Variants in DLGAP4 observed in about 807,000 individuals in gnomAD.
DLGAP4 encodes the protein disks large-associated protein 4.
DLGAP4 carries 18 observed loss-of-function variants against 86.9 expected under a neutral mutation model. That is an observed-to-expected ratio of 0.21 (90% CI 0.14 to 0.31). DLGAP4 has a LOEUF of 0.31. Ranked by LOEUF, DLGAP4 falls within the 10% of genes least tolerant of loss-of-function variation. The probability of loss-of-function intolerance (pLI) is 1.00; values close to 1 mark genes in which losing one functional copy is unlikely to be tolerated. For missense variants in DLGAP4, 1,085 were observed against 1,362.6 expected, an observed-to-expected ratio of 0.80 and a Z score of 3.21; for synonymous variants, 548 against 574.3, an observed-to-expected ratio of 0.95 and a Z score of 0.65.
Position 36,343,867 on chromosome 20 carries a change from G to A in DLGAP4, c.-303-23178G>A, listed in dbSNP as rs187919632. Among the ~76,000 whole-genome samples, 493 of 152,340 alleles carry A rather than the reference G, an allele frequency of 3.2e-3. 4 individuals carry two copies. The highest frequency in any genetic ancestry group is 3.4e-3 in the Middle Eastern group (1 of 294). On this transcript the variant is annotated intron_variant, in intron 1 of 12. Coordinates refer to ENST00000339266, the MANE Select transcript of DLGAP4 (RefSeq NM_001365621.2). Reference sequence around the variant, plus strand: ...GTGGGCCCCGAGTGGCTGCTGGCCCGTGGCTACAGCTGACACACATTGTCT... The same window carrying A: ...GTGGGCCCCGAGTGGCTGCTGGCCCATGGCTACAGCTGACACACATTGTCT...
At position 36,496,832 on chromosome 20, in the gene DLGAP4, C is replaced by A; in HGVS notation, c.1776C>A (p.Ser592Arg). The A allele has an allele frequency of 6.2e-7, 1 of 1,614,226 alleles. No individual in the cohort carries two copies. Among genetic ancestry groups the A allele is most frequent in the Non-Finnish European group, 8.5e-7 (1 of 1,180,034 alleles). The change falls in exon 8 of 13, where the codon AGC (serine) becomes AGA (arginine). Residue 592 changes from serine to arginine, a missense_variant. Ser to Arg is a moderately radical substitution (Grantham distance 110). Coordinates refer to ENST00000339266, the MANE Select transcript of DLGAP4 (RefSeq NM_001365621.2). ...CTGCCCAGGACACCTACCTGGACAG[C>A]CAGGACCACAAGAGCGAGGTGACTA... ...TESAQDTYLDSQDHKSEVTSQ... is the reference protein window; with the variant it reads ...TESAQDTYLDRQDHKSEVTSQ...
At chr20:36,484,130 G>A (rs990165310) in intron 7 of DLGAP4, among the ~76,000 whole-genome samples, 1 of 152,236 alleles carries the variant, frequency 6.6e-6, no homozygotes, top group African/African-American at 2.4e-5. Context: ...ACTTCTCTGA[G>A]CCTCAGGGGT....
chr20:36,522,675 C>T (rs377339512), intron 10 of DLGAP4, among the ~76,000 whole-genome samples: 2 of 151,964 alleles, frequency 1.3e-5, no homozygotes, highest in African/African-American at 2.4e-5. Context: ...TGGGCCACCA[C>T]GCCTGGCTAA....
In DLGAP4 at chr20:36,431,568, A is replaced by G; in HGVS notation, c.-72-78A>G. 1.2e-6 allele frequency: 1 copy of G among 863,022 alleles called. No individual in the cohort carries two copies. Among genetic ancestry groups the G allele is most frequent in the Non-Finnish European group, 1.7e-6 (1 of 579,832 alleles). 53.5% of individuals were successfully genotyped at this position (863,022 alleles called of 1,614,324 possible). On this transcript the variant is annotated intron_variant, in intron 2 of 12. Transcript: ENST00000339266. The surrounding 1 kb of genome is among the most constrained non-coding windows in gnomAD (Gnocchi z 5.1). Reference sequence around the variant, plus strand: ...CTTCAGAGATCCTCCCAGCCTTGCGATCTGGATCTGACCTTCCCGGCACCC... The same window carrying G: ...CTTCAGAGATCCTCCCAGCCTTGCGGTCTGGATCTGACCTTCCCGGCACCC...
intron 7 of DLGAP4, among the ~76,000 whole-genome samples, chr20:36,475,067 C>T (rs1265820922): frequency 6.6e-6 from 1 of 151,442 alleles, no homozygotes; most frequent in Non-Finnish European, 1.5e-5. Flanking sequence ...GGAGGTGTCA[C>T]GACCCTGAGG....
chr20:36,336,917 G>C (rs1316716761), intron 1 of DLGAP4, among the ~76,000 whole-genome samples: 4 of 152,218 alleles, frequency 2.6e-5, no homozygotes, highest in African/African-American at 9.7e-5. Flanking sequence ...CCCGCACCCA[G>C]TCTCCCATCT....
chr20:36,390,247 G>A (rs564571975), intron 2 of DLGAP4, among the ~76,000 whole-genome samples: 2 of 152,326 alleles, frequency 1.3e-5, no homozygotes, highest in East Asian at 1.9e-4. Flanking sequence ...CTGAGAAGGA[G>A]CGTCGTCCAC....
intron 5 of DLGAP4, among the ~76,000 whole-genome samples, chr20:36,441,379 G>A (rs898741198): frequency 2.6e-5 from 4 of 152,258 alleles, no homozygotes; most frequent in East Asian, 1.9e-4. Flanking sequence ...TCCTCCTGGC[G>A]TTTCAGGTCT....
At chr20:36,376,733 C>T (rs900313565) in intron 2 of DLGAP4, among the ~76,000 whole-genome samples, 3 of 152,150 alleles carry the variant, frequency 2.0e-5, no homozygotes, top group Non-Finnish European at 2.9e-5. Context: ...GCAGGGACCT[C>T]GTCAGCTTCG....
At chr20:36,506,908 A>C (rs1267310037) in intron 10 of DLGAP4, among the ~76,000 whole-genome samples, 1 of 152,226 alleles carries the variant, frequency 6.6e-6, no homozygotes, top group Admixed American at 6.5e-5. Flanking sequence ...TGTAAGTGGA[A>C]CCATGCAGCA....
chr20:36,415,589 T>C (rs1478606481), intron 2 of DLGAP4, among the ~76,000 whole-genome samples: 1 of 152,178 alleles, frequency 6.6e-6, no homozygotes, highest in African/African-American at 2.4e-5. Context: ...CTGTGTTACC[T>C]CGTTGATCTC....
At chr20:36,357,759 G>A (rs561232488) in intron 1 of DLGAP4, among the ~76,000 whole-genome samples, 7 of 152,296 alleles carry the variant, frequency 4.6e-5, no homozygotes, top group South Asian at 2.1e-4. Flanking sequence ...CTGAGAGTGC[G>A]GAATAGAAAC....
chr20:36,525,853 C>T lies in DLGAP4; in HGVS notation c.2607C>T (p.Asn869=), dbSNP rs1484006346. Residue 869 remains asparagine, a splice_region_variant and synonymous_variant, in exon 12 of 13, where the codon AAC becomes AAT. Transcript: ENST00000339266. ...QFRGLCEQNL[N]PDANPRPTAQ... is the part of the protein sequence containing the mutation. ...ACTGATCCCCATCTGGCCCACAGAA[C>T]CCTGATGCCAACCCACGCCCCACAG... 6.2e-7 allele frequency: 1 copy of T among 1,612,998 alleles called. No homozygotes were observed. Among genetic ancestry groups the T allele is most frequent in the Non-Finnish European group, 8.5e-7 (1 of 1,179,948 alleles).
intron 1 of DLGAP4, among the ~76,000 whole-genome samples, chr20:36,314,159 G>A (rs899580494): frequency 2.4e-4 from 36 of 151,838 alleles, no homozygotes; most frequent in African/African-American, 8.2e-4. Flanking sequence ...GTGCAGAGGC[G>A]GGTGGCTCTG....
At chr20:36,456,967 G>C (rs1156477146) in intron 7 of DLGAP4, among the ~76,000 whole-genome samples, 1 of 152,242 alleles carries the variant, frequency 6.6e-6, no homozygotes, top group Admixed American at 6.5e-5. Flanking sequence ...GATGTTTATT[G>C]ATCAAGTGCT....
At chr20:36,525,254 A>AAAAAAAAAAAAAAAAAAAAAAAC (rs1569527332) in intron 11 of DLGAP4, among the ~76,000 whole-genome samples, 1 of 62,464 alleles carries the variant, frequency 1.6e-5, no homozygotes, top group African/African-American at 3.8e-5. Flanking sequence ...AAAAAAAAAA[A>AAAAAAAAAAAAAAAAAAAAAAAC]CAAAGAAATC....
intron 1 of DLGAP4, among the ~76,000 whole-genome samples, chr20:36,344,510 T>A (rs2065416459): frequency 6.6e-6 from 1 of 152,138 alleles, no homozygotes; most frequent in Non-Finnish European, 1.5e-5. Context: ...TTCTCCCCAG[T>A]TTACATTTGA....
rs1241536071 is a variant in DLGAP4, at chr20:36,432,407, A to G, written c.690A>G (p.Leu230=). 6.2e-7 allele frequency: 1 copy of G among 1,613,726 alleles called. No homozygotes were observed. The highest frequency in any genetic ancestry group is 8.5e-7 in the Non-Finnish European group (1 of 1,180,040). ...GCCCAGCCTCTGGGCTGATGACACT[A>G]GGCCGCCAGGCAGAACGCAGCCAGC... ...SSGPASGLMT[L]GRQAERSQPR... Residue 230 remains leucine (L), a synonymous_variant, in exon 3 of 13, where the codon CTA becomes CTG. Transcript: ENST00000339266. This position sits in a 1 kb window ranked among gnomAD's most constrained non-coding sequence, Gnocchi z 6.5.
intron 7 of DLGAP4, among the ~76,000 whole-genome samples, chr20:36,480,340 T>C (rs1189812460): frequency 5.9e-5 from 9 of 152,198 alleles, no homozygotes; most frequent in Admixed American, 5.9e-4. Flanking sequence ...CCTCACAAGA[T>C]TTCCCGTGTG....
Sources: allele counts gnomAD v4.1 joint callset (sites outside exome capture counted in the v4.1 genomes callset), GRCh38; gene constraint gnomAD v4.1.1; non-coding constraint Gnocchi (gnomAD v3.1); transcripts MANE v1.5; gene names NCBI Gene and HGNC (gene_info 2026-07-23, HGNC 2026-07-21).